RASAL2: variants seen among roughly 807,000 people sequenced by gnomAD.
The protein encoded by RASAL2 is RAS protein activator like 2.
In RASAL2, 58 loss-of-function variants were observed where a neutral mutation model predicts 128.9. The observed-to-expected ratio is 0.45, with a 90% confidence interval of 0.36 to 0.56. The LOEUF is 0.56. Among genes scored for constraint, RASAL2 ranks in the 20% least tolerant of loss-of-function variants. The pLI is 0.00. For missense variants in RASAL2, 1,360 were observed against 1,601.6 expected (o/e 0.85, Z 2.57); for synonymous variants, 561 against 580.8 (o/e 0.97, Z 0.49).
rs56362029 is a variant in RASAL2 at position 178,169,134 on chromosome 1, C to G, written c.202+74440C>G. ...GCCTACTTTTCCTTTAAAAATGTAC[C>G]ATTTGTCAATTTTCTGACATTTTTA... is the stretch of plus-strand genomic sequence containing the variant. On this transcript the variant is annotated intron_variant, in intron 1 of 17. Coordinates refer to ENST00000367649, the MANE Select transcript of RASAL2 (RefSeq NM_170692.4). Among the ~76,000 whole-genome samples, 328 of 152,034 alleles carry G rather than the reference C, an allele frequency of 2.2e-3. 2 individuals are homozygous for G. Among genetic ancestry groups the G allele is most frequent in the African/African-American group, 7.7e-3 (319 of 41,496 alleles).
At chr1:178,394,620 A>G (rs1406492010) in intron 4 of RASAL2, among the ~76,000 whole-genome samples, 1 of 152,224 alleles carries the variant, frequency 6.6e-6, no homozygotes, top group East Asian at 1.9e-4. Context: ...TTCATAACAC[A>G]ATGGTCTAAC....
intron 4 of RASAL2, among the ~76,000 whole-genome samples, chr1:178,393,415 C>T (rs57339980): frequency 0.068 from 10,315 of 152,238 alleles, 1,128 homozygotes; most frequent in African/African-American, 0.23. Context: ...CTAGATCCCT[C>T]GCATGCGCAG....
intron 3 of RASAL2, among the ~76,000 whole-genome samples, chr1:178,370,679 C>G (rs1035650051): frequency 3.3e-5 from 5 of 152,174 alleles, no homozygotes. Flanking sequence ...GTTAAAACTT[C>G]TAGAGCTACC....
chr1:178,231,073 C>G (rs768904552), intron 1 of RASAL2, among the ~76,000 whole-genome samples: 1 of 152,078 alleles, frequency 6.6e-6, no homozygotes, highest in Non-Finnish European at 1.5e-5. Flanking sequence ...GAGATCTTAT[C>G]GGGAAGCTGC....
chr1:178,259,776 C>T (rs755839862), intron 1 of RASAL2, among the ~76,000 whole-genome samples: 58 of 152,016 alleles, frequency 3.8e-4, no homozygotes, highest in Non-Finnish European at 7.1e-4. Flanking sequence ...GTTGTCCATG[C>T]TGGTCTTGAA....
At chr1:178,331,063 G>A (rs1669280255) in intron 3 of RASAL2, among the ~76,000 whole-genome samples, 1 of 152,210 alleles carries the variant, frequency 6.6e-6, no homozygotes, top group South Asian at 2.1e-4. Flanking sequence ...ACCATAAGTA[G>A]TAAATGGCAT....
In RASAL2 at chr1:178,229,994, TA is replaced by T. The variant is rs376964706; in HGVS notation, c.203-53569del. Among the ~76,000 whole-genome samples the T allele has an allele frequency of 3.9e-3, 601 of 152,340 alleles. 5 individuals are homozygous for T. The highest frequency in any genetic ancestry group is 6.0e-3 in the Non-Finnish European group (406 of 68,020). The stretch of plus-strand genomic sequence containing the variant: ...CTACCACTGAGAACTGCTTTTCTGA[TA>T]TTTTTTTTCTATTATAGATTAGTTT... On this transcript the variant is annotated intron_variant, in intron 1 of 17. Transcript: ENST00000367649.
At position 178,456,314 on chromosome 1, in the gene RASAL2, G is replaced by A. The variant is rs116211485; in HGVS notation, c.2212-407G>A. ...TCATACTAGTTGATCCTCTGATCTTGAAGTTCTTTTGGTTAGAAGGAATTT... is the reference window on the plus strand; with the variant it reads ...TCATACTAGTTGATCCTCTGATCTTAAAGTTCTTTTGGTTAGAAGGAATTT... On this transcript the variant is annotated intron_variant, in intron 12 of 17. Transcript: ENST00000367649. 2.1e-3 allele frequency among the ~76,000 whole-genome samples: 321 copies of A among 152,222 alleles called. 1 individual carries two copies. The highest frequency in any genetic ancestry group is 7.6e-3 in the African/African-American group (314 of 41,538).
intron 3 of RASAL2, among the ~76,000 whole-genome samples, chr1:178,308,604 G>A (rs769878639): frequency 9.0e-4 from 133 of 147,046 alleles, no homozygotes; most frequent in Non-Finnish European, 1.5e-3. Context: ...ACAGTGGTGT[G>A]GTGTAATCAT....
chr1:178,433,834 TTGAACC>T (rs1676081853), intron 5 of RASAL2, among the ~76,000 whole-genome samples: 1 of 151,958 alleles, frequency 6.6e-6, no homozygotes, highest in African/African-American at 2.4e-5. Flanking sequence ...CCAGAATCAC[TTGAACC>T]CAGGAGGCGG....
intron 3 of RASAL2, among the ~76,000 whole-genome samples, chr1:178,368,207 C>A (rs888018259): frequency 6.6e-6 from 1 of 152,134 alleles, no homozygotes; most frequent in African/African-American, 2.4e-5. Flanking sequence ...CAGAAGTTTA[C>A]GTTTCATTTC....
At position 178,300,124 on chromosome 1, in the gene RASAL2, C is replaced by T. The variant is rs760324817; in HGVS notation, c.457+6C>T. 1 of 1,603,364 alleles carries T rather than the reference C, an allele frequency of 6.2e-7. No homozygotes were observed. Among genetic ancestry groups the T allele is most frequent in the South Asian group, 1.1e-5 (1 of 89,026 alleles). ...AGAGGGCGCCACTAAACTGGGTAAG[C>T]TACTATGAAAAGGAAATAAATTCCT... On this transcript the variant is annotated splice_donor_region_variant and intron_variant, in intron 3 of 17. Transcript: ENST00000367649.
intron 1 of RASAL2, among the ~76,000 whole-genome samples, chr1:178,246,763 GT>G (rs1664784592): frequency 6.6e-6 from 1 of 152,092 alleles, no homozygotes; most frequent in Non-Finnish European, 1.5e-5. Context: ...TTTATTGAGA[GT>G]TTTTAGCATG....
intron 3 of RASAL2, among the ~76,000 whole-genome samples, chr1:178,348,721 T>C (rs1670279105): frequency 6.6e-6 from 1 of 151,886 alleles, no homozygotes; most frequent in African/African-American, 2.4e-5. Flanking sequence ...AACTTCCAAG[T>C]TGATGGAAGT....
intron 3 of RASAL2, among the ~76,000 whole-genome samples, chr1:178,319,909 C>G (rs1268237420): frequency 1.3e-5 from 2 of 152,222 alleles, no homozygotes; most frequent in Non-Finnish European, 2.9e-5. Flanking sequence ...TCCGTTTTTT[C>G]TCCATCTTTG....
intron 1 of RASAL2, among the ~76,000 whole-genome samples, chr1:178,263,563 T>C (rs978468938): frequency 2.6e-5 from 4 of 152,212 alleles, no homozygotes; most frequent in Non-Finnish European, 4.4e-5. Context: ...TACTGAGTAC[T>C]TTTCTGTGTT....
intron 1 of RASAL2, among the ~76,000 whole-genome samples, chr1:178,267,980 GC>G (rs1666054726): frequency 6.7e-6 from 1 of 149,518 alleles, no homozygotes; most frequent in Non-Finnish European, 1.5e-5. Flanking sequence ...TTACTTCCTT[GC>G]TTTGTTCAAG....
intron 3 of RASAL2, among the ~76,000 whole-genome samples, chr1:178,382,804 CGTT>C (rs1178575870): frequency 6.6e-6 from 1 of 152,078 alleles, no homozygotes; most frequent in African/African-American, 2.4e-5. Context: ...TTGTACTTGT[CGTT>C]GTTATGTTTT....
At chr1:178,379,892 C>T (rs1191055836) in intron 3 of RASAL2, among the ~76,000 whole-genome samples, 2 of 152,156 alleles carry the variant, frequency 1.3e-5, no homozygotes, top group Non-Finnish European at 2.9e-5. Flanking sequence ...GTGTGCTTCT[C>T]AATAAAATTT....
Sources: allele counts gnomAD v4.1 joint callset (sites outside exome capture counted in the v4.1 genomes callset), GRCh38; gene constraint gnomAD v4.1.1; transcripts MANE v1.5; gene names NCBI Gene and HGNC (gene_info 2026-07-23, HGNC 2026-07-21).